RARB: variants seen among roughly 807,000 people sequenced by gnomAD.
The protein encoded by RARB is retinoic acid receptor beta, also known as HBV-activated protein.
RARB carries 17 observed loss-of-function variants against 51.9 expected under a neutral mutation model. The observed-to-expected ratio is 0.33, with a 90% confidence interval of 0.22 to 0.49. The LOEUF is 0.49. RARB is among the 20% of genes least tolerant of loss of function. The pLI, the probability that RARB is intolerant of heterozygous loss-of-function variation, is 0.99. For synonymous variants in RARB, 215 were observed against 195.4 expected (o/e 1.10, Z -0.84); for missense variants, 369 against 550.8 (o/e 0.67, Z 3.30).
intron 2 of RARB, among the ~76,000 whole-genome samples, chr3:24,973,535 T>C (rs1696446759): frequency 6.6e-6 from 1 of 152,096 alleles, no homozygotes; most frequent in Non-Finnish European, 1.5e-5. Flanking sequence ...TTGCATTGAA[T>C]TGTAGACTGC....
intron 3 of RARB, among the ~76,000 whole-genome samples, chr3:25,534,530 T>G (rs1344473139): frequency 1.3e-5 from 2 of 152,216 alleles, no homozygotes; most frequent in Non-Finnish European, 2.9e-5. Flanking sequence ...CTGCTTTTCC[T>G]TCTTCCGTCA....
intron 4 of RARB, among the ~76,000 whole-genome samples, chr3:25,574,383 T>A (rs1700836120): frequency 6.6e-6 from 1 of 152,248 alleles, no homozygotes; most frequent in Non-Finnish European, 1.5e-5. Flanking sequence ...CCTTGCACAG[T>A]TTCCGGCACA....
At chr3:25,364,952 T>A (rs1706065909) in intron 5 of RARB, among the ~76,000 whole-genome samples, 1 of 152,160 alleles carries the variant, frequency 6.6e-6, no homozygotes, top group Admixed American at 6.6e-5. Context: ...CATATCTCAG[T>A]TGTATCATTA....
At chr3:25,315,794 T>C (rs991920630) in intron 5 of RARB, among the ~76,000 whole-genome samples, 1 of 151,476 alleles carries the variant, frequency 6.6e-6, no homozygotes, top group African/African-American at 2.4e-5. Context: ...TTTTTTTTTA[T>C]TTTTAGTAGA....
rs7627753 is a variant in RARB, at chr3:25,174,627, G to T, written c.178+52G>T. ...TTTCTCTGGGTTGATTGGATGAAGGGACCTGAGAAAACGGAATGGTTGGTA... is the reference window on the plus strand; with the variant it reads ...TTTCTCTGGGTTGATTGGATGAAGGTACCTGAGAAAACGGAATGGTTGGTA... On this transcript the variant is annotated intron_variant, in intron 5 of 11. Coordinates refer to the RARB transcript ENST00000383772. 1.0e-3 allele frequency: 1,333 copies of T among 1,330,712 alleles called. 18 individuals carry two copies. The African/African-American group carries it at 0.016, about 16-fold the overall frequency. The allele number at this position is 1,330,712 out of a possible 1,614,324, so 82.4% of individuals were successfully genotyped here.
intron 5 of RARB, among the ~76,000 whole-genome samples, chr3:25,179,219 T>TA (rs1223475339): frequency 6.6e-6 from 1 of 152,214 alleles, no homozygotes; most frequent in African/African-American, 2.4e-5. Context: ...CTTTGTTACC[T>TA]AGCTTGTCTA....
At chr3:25,446,305 G>C (rs975394599) in intron 1 of RARB, among the ~76,000 whole-genome samples, 2 of 152,194 alleles carry the variant, frequency 1.3e-5, no homozygotes, top group African/African-American at 2.4e-5. Flanking sequence ...TTATCTTAAA[G>C]CTGGGCTGAA....
chr3:25,441,482 C>A, intron 1 of RARB: 1 of 167,514 alleles, frequency 6.0e-6, no homozygotes. Flanking sequence ...CCAGTTTCTT[C>A]CCGGATGCTT....
chr3:25,288,661 A>G (rs1398745893), intron 5 of RARB, among the ~76,000 whole-genome samples: 1 of 152,148 alleles, frequency 6.6e-6, no homozygotes, highest in African/African-American at 2.4e-5. Flanking sequence ...TTGATCATCC[A>G]TTGTACTCCC....
intron 4 of RARB, among the ~76,000 whole-genome samples, chr3:25,145,702 A>G (rs73048443): frequency 0.13 from 19,625 of 152,022 alleles, 1,614 homozygotes; most frequent in South Asian, 0.28. Context: ...TGCTCTTCTT[A>G]TACCTTGTCA....
chr3:24,852,134 T>C (rs1015363281), intron 1 of RARB, among the ~76,000 whole-genome samples: 1 of 152,234 alleles, frequency 6.6e-6, no homozygotes, highest in Admixed American at 6.5e-5. Flanking sequence ...GATATCTCAT[T>C]TTGTTAGTGA....
intron 5 of RARB, among the ~76,000 whole-genome samples, chr3:25,202,048 T>C (rs1459757723): frequency 1.3e-5 from 2 of 152,234 alleles, no homozygotes; most frequent in African/African-American, 4.8e-5. Context: ...AATTCAGCTG[T>C]GAATCTGTCT....
intron 4 of RARB, among the ~76,000 whole-genome samples, chr3:25,579,558 C>T (rs772714463): frequency 3.3e-5 from 5 of 151,802 alleles, no homozygotes; most frequent in East Asian, 3.9e-4. Context: ...TCCTTATTAA[C>T]GCTACCTAGC....
intron 4 of RARB, among the ~76,000 whole-genome samples, chr3:25,579,856 TG>T (rs1401236638): frequency 6.6e-6 from 1 of 152,088 alleles, no homozygotes; most frequent in East Asian, 1.9e-4. Flanking sequence ...TCATGGGTGG[TG>T]GTGTGTTTTT....
chr3:25,519,849 T>C (rs1698329598), intron 3 of RARB, among the ~76,000 whole-genome samples: 2 of 152,178 alleles, frequency 1.3e-5, no homozygotes, highest in African/African-American at 4.8e-5. Context: ...ATAGAAATGG[T>C]TGAGAAAAAT....
intron 3 of RARB, among the ~76,000 whole-genome samples, chr3:25,114,211 G>A (rs1699648851): frequency 1.3e-5 from 2 of 152,212 alleles, no homozygotes; most frequent in South Asian, 2.1e-4. Context: ...GGGTAGCTTG[G>A]AGCAATGGAA....
chr3:25,554,654 C>T (rs139862090), intron 3 of RARB, among the ~76,000 whole-genome samples: 1 of 152,152 alleles, frequency 6.6e-6, no homozygotes, highest in East Asian at 1.9e-4. Flanking sequence ...CTCACAGTGC[C>T]GGGCACAGAG....
At chr3:24,830,074 G>C (rs1424906607) in intron 1 of RARB, among the ~76,000 whole-genome samples, 3 of 152,160 alleles carry the variant, frequency 2.0e-5, no homozygotes, top group African/African-American at 4.8e-5. Context: ...TAGGGGCTTG[G>C]CGCCGGACAC....
intron 3 of RARB, among the ~76,000 whole-genome samples, chr3:25,562,574 C>T (rs933871033): frequency 6.6e-6 from 1 of 152,186 alleles, no homozygotes; most frequent in Non-Finnish European, 1.5e-5. Context: ...TCATGTCATC[C>T]CTCAACTACT....
Sources: allele counts gnomAD v4.1 joint callset (sites outside exome capture counted in the v4.1 genomes callset), GRCh38; gene constraint gnomAD v4.1.1; transcripts MANE v1.5; gene names NCBI Gene and HGNC (gene_info 2026-07-23, HGNC 2026-07-21).